The following YJU2 variants were observed in gnomAD, a reference collection of about 807,000 sequenced individuals.
YJU2 encodes YJU2 splicing factor homolog.
YJU2 carries 28 observed loss-of-function variants against 39.6 expected under a neutral mutation model. That is an observed-to-expected ratio of 0.71 (90% confidence interval 0.52 to 0.97). The LOEUF is 0.97. Among genes scored for constraint, YJU2 ranks in the 50% least tolerant of loss-of-function variants. The pLI is 0.00. For missense variants in YJU2, 328 were observed against 430.4 expected, an observed-to-expected ratio of 0.76 and a Z score of 2.11; for synonymous variants, 184 against 182.4, an observed-to-expected ratio of 1.01 and a Z score of -0.07.
At chr19:4,249,506 A>G (rs1208434804) in intron 2 of YJU2, among the ~76,000 whole-genome samples, 178 bp downstream of exon 2, 1 of 151,646 alleles carries the variant, frequency 6.6e-6, no homozygotes, top group African/African-American at 2.4e-5. Context: ...TAAGCTTTGG[A>G]TCTTTTAGAG....
rs1438393960 is a variant in YJU2, at chr19:4,247,613, GT to G, written c.24+444del. On this transcript the variant is annotated intron_variant, in intron 1 of 7. Transcript: ENST00000262962. The stretch of plus-strand genomic sequence containing the variant: ...TGTGTGTGTGTGTGTGTGTGTGTGT[GT>G]GTGTGTGTGTGTGTGTGTGTGTGTG... 4.4e-3 allele frequency among the ~76,000 whole-genome samples: 129 copies of G among 29,132 alleles called. 11 individuals are homozygous for G. The highest frequency in any genetic ancestry group is 9.6e-3 in the East Asian group (12 of 1,246). 19.1% of individuals were successfully genotyped at this position (29,132 alleles called of 152,430 possible).
chr19:4,252,222 G>A (rs1970982637), intron 3 of YJU2, among the ~76,000 whole-genome samples: 1 of 151,760 alleles, frequency 6.6e-6, no homozygotes, highest in Non-Finnish European at 1.5e-5. Flanking sequence ...CACTTTGGGA[G>A]GCCAAGGCAA....
rs1443238986 is a variant in YJU2 at position 4,268,876 on chromosome 19, CTG to C, written c.*183_*184del. On this transcript the variant is annotated 3_prime_UTR_variant, in exon 8 of 8. Coordinates refer to ENST00000262962, the MANE Select transcript of YJU2 (RefSeq NM_018074.6). ...GCCTCAGCCCCAGGAGGTCCCTTCT[CTG>C]TGCCCTCACCAGCCTCTCAACACCT... 5 of 592,818 alleles carry C rather than the reference CTG, an allele frequency of 8.4e-6. No individual in the cohort carries two copies. The African/African-American group carries it at 9.3e-5, about 11-fold the overall frequency. The allele number at this position is 592,818 out of a possible 1,614,324, so 36.7% of individuals were successfully genotyped here.
rs1568359536 is a variant in YJU2 at position 4,247,596 on chromosome 19, T to G, written c.24+426T>G. On this transcript the variant is annotated intron_variant, in intron 1 of 7. Transcript: ENST00000262962. Reference sequence around the variant, plus strand: ...GTGGGGTGGCGCGTGTGTGTGTGTGTGTGTGTGTGTGTGTGTGTGTGTGTG... The same window carrying G: ...GTGGGGTGGCGCGTGTGTGTGTGTGGGTGTGTGTGTGTGTGTGTGTGTGTG... 3.8e-4 allele frequency among the ~76,000 whole-genome samples: 2 copies of G among 5,206 alleles called. 1 individual carries two copies. Among genetic ancestry groups the G allele is most frequent in the Non-Finnish European group, 7.0e-4 (2 of 2,860 alleles). 3.4% of individuals were successfully genotyped at this position (5,206 alleles called of 152,430 possible).
At position 4,247,378 on chromosome 19, in the gene YJU2, G is replaced by C. The variant is rs900245978; in HGVS notation, c.24+208G>C. ...TTCGCTAAGTCTCCCTTCTGGGCTGGGGTGTAGTTAGTCACCTGCGGGGCG... is the reference window on the plus strand; with the variant it reads ...TTCGCTAAGTCTCCCTTCTGGGCTGCGGTGTAGTTAGTCACCTGCGGGGCG... On this transcript the variant is annotated intron_variant, in intron 1 of 7. Transcript: ENST00000262962. The C allele has an allele frequency of 2.0e-5, 11 of 536,816 alleles. No individual in the cohort carries two copies. In the East Asian group the frequency reaches 3.6e-4, roughly 17 times the overall value. 33.3% of individuals were successfully genotyped at this position (536,816 alleles called of 1,614,324 possible).
chr19:4,256,316 T>C (rs7259795), intron 4 of YJU2, among the ~76,000 whole-genome samples: 50,482 of 138,034 alleles, frequency 0.37, 10,278 homozygotes, highest in African/African-American at 0.61. Flanking sequence ...CCATCCATTC[T>C]TATCTATTCC....
At chr19:4,262,266 T>A in intron 6 of YJU2, 152 bp downstream of exon 6, 3 of 764,520 alleles carry the variant, frequency 3.9e-6, no homozygotes, top group Non-Finnish European at 6.0e-6. Context: ...TGGCACGATC[T>A]TGGCTCACTG....
At chr19:4,262,863 G>A (rs1971083212) in intron 6 of YJU2, among the ~76,000 whole-genome samples, 1 of 151,984 alleles carries the variant, frequency 6.6e-6, no homozygotes, top group Non-Finnish European at 1.5e-5. Context: ...AGCTGCATCA[G>A]TATGACCGAA....
intron 3 of YJU2, among the ~76,000 whole-genome samples, 163 bp downstream of exon 3, chr19:4,251,334 T>A (rs1203423705): frequency 6.6e-6 from 1 of 152,146 alleles, no homozygotes; most frequent in South Asian, 2.1e-4. Flanking sequence ...CATGGCAGCA[T>A]TCTAAATAAA....
In YJU2 at chr19:4,267,799, C is replaced by A. The variant is rs201987930; in HGVS notation, c.859+25C>A. On this transcript the variant is annotated intron_variant, in intron 7 of 7. Coordinates refer to ENST00000262962, the MANE Select transcript of YJU2 (RefSeq NM_018074.6). Reference sequence around the variant, plus strand: ...GGTAAGGTCACAGAGTTCCCAGAGCCGGGCGCGGTTTCTATAGTGGCCTGT... The same window carrying A: ...GGTAAGGTCACAGAGTTCCCAGAGCAGGGCGCGGTTTCTATAGTGGCCTGT... 1.2e-4 allele frequency: 196 copies of A among 1,597,254 alleles called. 1 individual carries two copies. The highest frequency in any genetic ancestry group is 8.3e-4 in the Middle Eastern group (5 of 6,006).
intron 1 of YJU2, 31 bp downstream of exon 1, chr19:4,247,201 C>T (rs1339272585): frequency 6.2e-7 from 1 of 1,600,080 alleles, no homozygotes; most frequent in East Asian, 2.3e-5. Flanking sequence ...GCTTTTCAAT[C>T]GGAGCAGGAC....
rs752573207 is a variant in YJU2, at chr19:4,247,123, T to C, written c.-24T>C. 6.2e-7 allele frequency: 1 copy of C among 1,612,660 alleles called. No individual in the cohort carries two copies. ...CCCAGCCTAACCATTTCTCAGGTGC[T>C]TGCGAGGTGATCAGAAGGCAAAGAT... On this transcript the variant is annotated 5_prime_UTR_variant, in exon 1 of 8. Coordinates refer to ENST00000262962, the MANE Select transcript of YJU2 (RefSeq NM_018074.6).
intron 1 of YJU2, among the ~76,000 whole-genome samples, chr19:4,247,582 C>T (rs199639351): frequency 0.064 from 1,730 of 27,200 alleles, 127 homozygotes; most frequent in East Asian, 0.12. Flanking sequence ...TGGGGTGGCG[C>T]GTGTGTGTGT....
intron 6 of YJU2, among the ~76,000 whole-genome samples, chr19:4,264,025 G>A (rs1294755959): frequency 6.6e-6 from 1 of 151,824 alleles, no homozygotes; most frequent in Non-Finnish European, 1.5e-5. Context: ...CACTTTGGGA[G>A]GCCAAGGCGG....
rs550682748 is a variant in YJU2 at position 4,263,529 on chromosome 19, C to T, written c.708+1415C>T. 7.2e-5 allele frequency among the ~76,000 whole-genome samples: 11 copies of T among 152,174 alleles called. No homozygotes were observed. In the South Asian group the frequency reaches 1.7e-3, roughly 23 times the overall value. The stretch of plus-strand genomic sequence containing the variant: ...GCTGCCAACTAGAACGAAGGGAGGC[C>T]GGGCACCGTGGCTCAAAGTGCTGTA... On this transcript the variant is annotated intron_variant, in intron 6 of 7. Transcript: ENST00000262962.
At chr19:4,262,774 G>A (rs566331220) in intron 6 of YJU2, among the ~76,000 whole-genome samples, 1 of 151,976 alleles carries the variant, frequency 6.6e-6, no homozygotes, top group Non-Finnish European at 1.5e-5. Flanking sequence ...CATGGGTGGT[G>A]GTGCATGTCT....
At chr19:4,260,995 G>C (rs1971066162) in intron 5 of YJU2, among the ~76,000 whole-genome samples, 2 of 151,006 alleles carry the variant, frequency 1.3e-5, no homozygotes, top group African/African-American at 4.9e-5. Flanking sequence ...AGGTCGAGTA[G>C]GAGTTCACCA....
chr19:4,267,636 A>G lies in YJU2; in HGVS notation c.721A>G (p.Lys241Glu), dbSNP rs777877816. ...CCATCACCTGCAGGCCCCAAAGCCC[A>G]AGAGGAAGGTGGAGGTCTGGGAGCA... ...TAILDEAPKP[K>E]RKVEVWEQSV... The change falls in exon 7 of 8, where the codon AAG (lysine) becomes GAG (glutamate). Residue 241 changes from lysine to glutamate, a missense_variant. Lys to Glu is a moderately conservative substitution (Grantham distance 56). Transcript: ENST00000262962. 1.2e-6 allele frequency: 2 copies of G among 1,612,976 alleles called. No homozygotes were observed. The highest frequency in any genetic ancestry group is 2.2e-5 in the South Asian group (2 of 91,036).
intron 5 of YJU2, 129 bp from the exon 6 acceptor site, chr19:4,261,865 T>A: frequency 8.3e-5 from 58 of 702,794 alleles, no homozygotes; most frequent in East Asian, 3.3e-4. Context: ...CCCTACTCCC[T>A]CCCACCCCTG....
Sources: allele counts gnomAD v4.1 joint callset (sites outside exome capture counted in the v4.1 genomes callset), GRCh38; gene constraint gnomAD v4.1.1; transcripts MANE v1.5; gene names NCBI Gene and HGNC (gene_info 2026-07-23, HGNC 2026-07-21).